Variants in FNDC1 observed in about 807,000 individuals in gnomAD.
FNDC1 encodes the protein fibronectin type III domain-containing protein 1.
In FNDC1, 96 loss-of-function variants were observed where a neutral mutation model predicts 168.0. The ratio of observed to expected loss-of-function variants is 0.57; its 90% CI spans 0.48 to 0.68. The LOEUF (loss-of-function observed/expected upper bound fraction) is 0.68, where lower values mean the gene tolerates loss of function less well. FNDC1 is among the 30% of genes least tolerant of loss of function. FNDC1 has a pLI of 0.00. For missense variants in FNDC1, 2,587 were observed against 2,482.1 expected, an observed-to-expected ratio of 1.04 and a Z score of -0.90; for synonymous variants, 1,099 against 1,025.9, an observed-to-expected ratio of 1.07 and a Z score of -1.36.
Position 159,225,579 on chromosome 6 carries a change from G to C in FNDC1, c.929G>C (p.Trp310Ser). The C allele has an allele frequency of 6.2e-7, 1 of 1,613,802 alleles. No individual in the cohort carries two copies. Among genetic ancestry groups the C allele is most frequent in the Non-Finnish European group, 8.5e-7 (1 of 1,179,810 alleles). The change falls in exon 8 of 23, where the codon TGG becomes TCG. Residue 310 changes from tryptophan to serine, a missense_variant. Trp to Ser is a radical substitution (Grantham distance 177). Coordinates refer to ENST00000297267, the MANE Select transcript of FNDC1 (RefSeq NM_032532.3). The stretch of plus-strand genomic sequence containing the variant: ...CGAGAGAAGGGGGAATTGGCCAGGT[G>C]GGATTATAAGCAGATCGCTAACAGG... The part of the protein sequence containing the change: ...RYREKGELAR[W>S]DYKQIANRRV...
chr6:159,252,542 G>A (rs369875655), intron 17 of FNDC1, among the ~76,000 whole-genome samples: 6 of 152,298 alleles, frequency 3.9e-5, no homozygotes, highest in South Asian at 2.1e-4. Context: ...ACTGAAGGGC[G>A]TGGGATGCAG....
chr6:159,171,271 AG>A (rs891930146), intron 1 of FNDC1, among the ~76,000 whole-genome samples: 1 of 152,218 alleles, frequency 6.6e-6, no homozygotes, highest in African/African-American at 2.4e-5. Context: ...ACCAGACTAG[AG>A]GTGGACAAAG....
chr6:159,218,616 C>T (rs984703253), intron 5 of FNDC1: 1 of 152,162 alleles, frequency 6.6e-6, no homozygotes, highest in Non-Finnish European at 1.5e-5. Flanking sequence ...AGAGTGGTCG[C>T]ATGTTAAGGA....
rs191682478 is a variant in FNDC1 at position 159,264,094 on chromosome 6, G to A, written c.5255-881G>A. Among the ~76,000 whole-genome samples, 144 of 152,360 alleles carry A rather than the reference G, an allele frequency of 9.5e-4. 1 individual carries two copies. The highest frequency in any genetic ancestry group is 1.8e-3 in the Admixed American group (27 of 15,302). The stretch of plus-strand genomic sequence containing the variant: ...TTTGTTGAGGTATAAATGGCATACA[G>A]TAACCTGCACCTACTTGAAGTGTAC... On this transcript the variant is annotated intron_variant, in intron 19 of 22. Transcript: ENST00000297267.
At chr6:159,216,195 C>T (rs1782706486) in intron 5 of FNDC1, among the ~76,000 whole-genome samples, 1 of 152,212 alleles carries the variant, frequency 6.6e-6, no homozygotes, top group Non-Finnish European at 1.5e-5. Context: ...CTCCTGAATT[C>T]AGATGATCCA....
intron 5 of FNDC1, among the ~76,000 whole-genome samples, chr6:159,216,108 C>T (rs1352536406): frequency 3.3e-5 from 5 of 152,094 alleles, no homozygotes; most frequent in Admixed American, 1.3e-4. Context: ...ACTACAGGCA[C>T]GTGCCACCAC....
At chr6:159,253,161 G>T (rs1360227361) in intron 17 of FNDC1, among the ~76,000 whole-genome samples, 3 of 152,104 alleles carry the variant, frequency 2.0e-5, no homozygotes, top group Non-Finnish European at 4.4e-5. Flanking sequence ...GAGTACTCAC[G>T]ACACTAGCAT....
Position 159,249,190 on chromosome 6 carries a change from T to A in FNDC1, c.4834+8T>A. ...GAAGGAAACGATTTGTTGGTAAATA[T>A]AATGTCCTTAATCAGAGAAACATGG... On this transcript the variant is annotated splice_region_variant and intron_variant, in intron 16 of 22. Transcript: ENST00000297267. 6 of 1,605,730 alleles carry A rather than the reference T, an allele frequency of 3.7e-6. No individual in the cohort carries two copies. The highest frequency in any genetic ancestry group is 4.2e-6 in the Non-Finnish European group (5 of 1,176,576).
At position 159,251,314 on chromosome 6, in the gene FNDC1, C is replaced by T. The variant is rs371052938; in HGVS notation, c.4847C>T (p.Thr1616Met). The change falls in exon 17 of 23, where the codon ACG becomes ATG. Residue 1616 changes from threonine to methionine, a missense_variant. Transcript: ENST00000297267. ...TGTTCTTTTCCAGCTCCTTACGTGA[C>T]GTACCTAAATAAAGACCCATCAGCC... is the stretch of plus-strand genomic sequence containing the variant. Reference protein sequence around the residue: ...GRKRFVAPYVTYLNKDPSAPC... With the variant: ...GRKRFVAPYVMYLNKDPSAPC... The T allele has an allele frequency of 1.5e-5, 25 of 1,613,406 alleles. No individual in the cohort carries two copies. Among genetic ancestry groups the T allele is most frequent in the African/African-American group, 1.3e-4 (10 of 75,018 alleles).
chr6:159,248,478 G>A (rs1039001949), intron 15 of FNDC1, among the ~76,000 whole-genome samples: 3 of 151,918 alleles, frequency 2.0e-5, no homozygotes, highest in Non-Finnish European at 4.4e-5. Flanking sequence ...GCTAATTTTT[G>A]TATTTTTAGT....
At chr6:159,189,505 A>G (rs1363215480) in intron 1 of FNDC1, among the ~76,000 whole-genome samples, 2 of 152,178 alleles carry the variant, frequency 1.3e-5, no homozygotes, top group East Asian at 1.9e-4. Flanking sequence ...GCTTCCTTAT[A>G]GAGATTGTGT....
chr6:159,228,604 A>T (rs751050222), intron 9 of FNDC1, among the ~76,000 whole-genome samples: 1 of 152,114 alleles, frequency 6.6e-6, no homozygotes, highest in Non-Finnish European at 1.5e-5. Context: ...AGAAAAGATC[A>T]TCCATGCTCC....
chr6:159,233,737 C>G lies in FNDC1; in HGVS notation c.3225C>G (p.Ala1075=). Residue 1075 remains alanine (A), a synonymous_variant, in exon 11 of 23, where the codon GCC becomes GCG. Transcript: ENST00000297267. This position sits in a 1 kb window ranked among gnomAD's most constrained non-coding sequence, Gnocchi z 4.6. ...PTALQNQDED[A]QGSYDDDSTE... ...CCCTCCAGAACCAGGACGAGGATGCCCAGGGCAGCTACGACGACGACAGCA... is the reference window on the plus strand; with the variant it reads ...CCCTCCAGAACCAGGACGAGGATGCGCAGGGCAGCTACGACGACGACAGCA... 6.5e-7 allele frequency: 1 copy of G among 1,549,416 alleles called. No homozygotes were observed. The highest frequency in any genetic ancestry group is 8.7e-7 in the Non-Finnish European group (1 of 1,146,528).
chr6:159,268,271 G>T (rs1052927025), intron 22 of FNDC1, among the ~76,000 whole-genome samples: 2 of 152,036 alleles, frequency 1.3e-5, no homozygotes, highest in African/African-American at 4.8e-5. Flanking sequence ...AATCTCAAAG[G>T]TTAACAATTA....
intron 1 of FNDC1, among the ~76,000 whole-genome samples, chr6:159,177,023 C>A (rs1253746763): frequency 6.6e-6 from 1 of 152,086 alleles, no homozygotes; most frequent in Non-Finnish European, 1.5e-5. Context: ...GCATAAGTCT[C>A]ATGTATTTAC....
intron 9 of FNDC1, among the ~76,000 whole-genome samples, chr6:159,227,529 G>C (rs566240947): frequency 1.3e-5 from 2 of 151,852 alleles, no homozygotes; most frequent in Non-Finnish European, 2.9e-5. Context: ...TGACATGTAG[G>C]ATGTCTTTTC....
chr6:159,268,349 G>GT (rs1777634569), intron 22 of FNDC1, among the ~76,000 whole-genome samples: 1 of 152,148 alleles, frequency 6.6e-6, no homozygotes, highest in South Asian at 2.1e-4. Context: ...GCACCCTTTT[G>GT]ATTATGCACT....
chr6:159,215,229 C>A, intron 5 of FNDC1, 78 bp downstream of exon 5: 8 of 1,299,350 alleles, frequency 6.2e-6, no homozygotes, highest in Non-Finnish European at 8.8e-6. Flanking sequence ...TCATTCATGA[C>A]AGAGCATTAT....
At chr6:159,211,299 G>A (rs994312464) in intron 4 of FNDC1, among the ~76,000 whole-genome samples, 2 of 152,198 alleles carry the variant, frequency 1.3e-5, no homozygotes, top group Non-Finnish European at 2.9e-5. Flanking sequence ...TGTAGATGGA[G>A]TGAAACCTCA....
Sources: gnomAD v4.1 joint callset for allele counts (sites outside exome capture counted in the v4.1 genomes callset) on GRCh38, gnomAD v4.1.1 for gene constraint, Gnocchi (gnomAD v3.1) non-coding constraint, MANE v1.5 for transcripts, NCBI Gene and HGNC (gene_info 2026-07-23, HGNC 2026-07-21) for gene names.